Variants in CD109 observed in about 807,000 individuals in gnomAD.
CD109 encodes CD109 molecule, also known as CD109 antigen.
A neutral mutation model predicts 165.8 loss-of-function variants in CD109; 149 were observed. The ratio of observed to expected loss-of-function variants is 0.90; its 90% CI spans 0.79 to 1.03. The LOEUF (loss-of-function observed/expected upper bound fraction) is 1.03, where lower values mean the gene tolerates loss of function less well. Ranked by LOEUF, CD109 falls within the 50% of genes least tolerant of loss-of-function variation. The pLI is 0.00. For missense variants in CD109, 1,712 were observed against 1,677.8 expected (o/e 1.02, Z -0.36); for synonymous variants, 585 against 592.1 (o/e 0.99, Z 0.18).
At chr6:73,706,984 C>T (rs937936803) in intron 2 of CD109, among the ~76,000 whole-genome samples, 8 of 152,202 alleles carry the variant, frequency 5.3e-5, no homozygotes, top group Non-Finnish European at 1.0e-4. Flanking sequence ...TTATTCAGCA[C>T]CAAATTGCCT....
At chr6:73,718,012 AATATAAGATC>A (rs912127057) in intron 2 of CD109, among the ~76,000 whole-genome samples, 3 of 151,734 alleles carry the variant, frequency 2.0e-5, no homozygotes, top group African/African-American at 7.3e-5. Flanking sequence ...GGTTTTTCCA[AATATAAGATC>A]ATATTGGCTG....
intron 21 of CD109, among the ~76,000 whole-genome samples, chr6:73,788,146 T>C (rs1405388826): frequency 6.6e-6 from 1 of 152,174 alleles, no homozygotes; most frequent in Non-Finnish European, 1.5e-5. Context: ...GCCTATTAAG[T>C]GTAAATCCTG....
chr6:73,717,608 A>ATTT (rs1412892620), intron 2 of CD109, among the ~76,000 whole-genome samples: 1 of 90,192 alleles, frequency 1.1e-5, no homozygotes, highest in African/African-American at 4.2e-5. Flanking sequence ...AATTCTACTG[A>ATTT]TTCTTTTTTT....
intron 3 of CD109, 88 bp downstream of exon 3, chr6:73,723,367 T>G: frequency 2.0e-6 from 2 of 991,210 alleles, no homozygotes; most frequent in Non-Finnish European, 3.1e-6. Context: ...TTTATGTCAA[T>G]TCACACATTT....
At chr6:73,745,596 T>C (rs1345986517) in intron 5 of CD109, among the ~76,000 whole-genome samples, 1 of 152,206 alleles carries the variant, frequency 6.6e-6, no homozygotes, top group East Asian at 1.9e-4. Flanking sequence ...TGTGTTTAGA[T>C]TGAAGATTTG....
At chr6:73,755,313 CTT>C (rs1402106914) in intron 5 of CD109, among the ~76,000 whole-genome samples, 3 of 152,018 alleles carry the variant, frequency 2.0e-5, no homozygotes, top group African/African-American at 7.2e-5. Flanking sequence ...TTTTTTAAAA[CTT>C]TTATTTTTCA....
At chr6:73,745,022 G>C (rs1288467873) in intron 5 of CD109, among the ~76,000 whole-genome samples, 1 of 152,228 alleles carries the variant, frequency 6.6e-6, no homozygotes, top group South Asian at 2.1e-4. Flanking sequence ...TTGTGGGAGG[G>C]TCAGGACTAG....
At chr6:73,689,940 T>A in the CD109 span, among the ~76,000 whole-genome samples, 1 of 152,212 alleles carries the variant, frequency 6.6e-6, no homozygotes, top group Non-Finnish European at 1.5e-5. Context: ...CTTTGTCAAT[T>A]CTTTTATTCT....
At chr6:73,777,926 A>G (rs1279998863) in intron 15 of CD109, among the ~76,000 whole-genome samples, 1 of 152,148 alleles carries the variant, frequency 6.6e-6, no homozygotes, top group East Asian at 1.9e-4. Context: ...GAATTTTAAA[A>G]TAGTTTTCTC....
At position 73,762,467 on chromosome 6, in the gene CD109, C is replaced by G; in HGVS notation, c.842C>G (p.Thr281Arg). ...TTTTGGGGAAAGAAGAAAAATATTA[C>G]AAAAACATTTAAGGTAACTTTTGCA... ...LSFWGKKKNITKTFKINGSAN... is the reference protein window; with the variant it reads ...LSFWGKKKNIRKTFKINGSAN... The change falls in exon 8 of 33, where the codon ACA (threonine) becomes AGA (arginine). Residue 281 changes from threonine to arginine, a missense_variant. Coordinates refer to ENST00000287097, the MANE Select transcript of CD109 (RefSeq NM_133493.5). The G allele has an allele frequency of 6.3e-7, 1 of 1,599,552 alleles. No homozygotes were observed.
At chr6:73,742,173 C>G (rs1288148696) in intron 5 of CD109, among the ~76,000 whole-genome samples, 2 of 151,590 alleles carry the variant, frequency 1.3e-5, no homozygotes, top group East Asian at 3.9e-4. Context: ...CAATAACTCT[C>G]CATTCCCTCC....
At chr6:73,755,302 T>G (rs1773348862) in intron 5 of CD109, among the ~76,000 whole-genome samples, 1 of 152,240 alleles carries the variant, frequency 6.6e-6, no homozygotes, top group Non-Finnish European at 1.5e-5. Context: ...TGAGATTTTC[T>G]TTTTTTAAAA....
At chr6:73,814,942 A>G (rs373188452) in intron 29 of CD109, 39 bp from the exon 30 acceptor site, 103 of 1,425,424 alleles carry the variant, frequency 7.2e-5, no homozygotes, top group Non-Finnish European at 9.1e-5. Flanking sequence ...ATGGAAATTT[A>G]TGTCCAACTT....
chr6:73,748,542 T>G (rs1019309182), intron 5 of CD109, among the ~76,000 whole-genome samples: 1 of 152,228 alleles, frequency 6.6e-6, no homozygotes, highest in Admixed American at 6.5e-5. Flanking sequence ...GATCAGAAGG[T>G]CCATGCGGGG....
intron 14 of CD109, among the ~76,000 whole-genome samples, chr6:73,769,335 G>A (rs978575408): frequency 2.6e-5 from 4 of 152,182 alleles, no homozygotes; most frequent in African/African-American, 9.7e-5. Context: ...TTGACTTCTA[G>A]TGATCCTAGT....
intron 23 of CD109, among the ~76,000 whole-genome samples, chr6:73,798,591 T>C (rs1223780755): frequency 6.6e-6 from 1 of 152,008 alleles, no homozygotes; most frequent in East Asian, 1.9e-4. Context: ...TACTTTTCCA[T>C]GGGAGCAGAG....
chr6:73,728,569 C>A (rs1444205525), intron 3 of CD109, among the ~76,000 whole-genome samples: 1 of 152,178 alleles, frequency 6.6e-6, no homozygotes, highest in Non-Finnish European at 1.5e-5. Flanking sequence ...ATTAGTTCAT[C>A]TTATTTTTAA....
intron 23 of CD109, among the ~76,000 whole-genome samples, chr6:73,800,269 G>A (rs761674562): frequency 3.9e-5 from 6 of 152,098 alleles, no homozygotes; most frequent in Non-Finnish European, 8.8e-5. Context: ...TCAGTTGACC[G>A]AGATATTCCT....
chr6:73,765,429 G>T (rs1457968592), intron 10 of CD109, among the ~76,000 whole-genome samples: 2 of 152,112 alleles, frequency 1.3e-5, no homozygotes, highest in Non-Finnish European at 2.9e-5. Context: ...AAATGACATG[G>T]TTGCTCATTT....
Sources: allele counts gnomAD v4.1 joint callset (sites outside exome capture counted in the v4.1 genomes callset), GRCh38; gene constraint gnomAD v4.1.1; transcripts MANE v1.5; gene names NCBI Gene and HGNC (gene_info 2026-07-23, HGNC 2026-07-21).